CHODL: variants seen among roughly 807,000 people sequenced by gnomAD.
CHODL encodes the protein transmembrane protein MT75.
A neutral mutation model predicts 34.5 loss-of-function variants in CHODL; 29 were observed. The observed-to-expected ratio is 0.84, with a 90% CI of 0.63 to 1.15. The LOEUF (loss-of-function observed/expected upper bound fraction) is 1.15, where lower values mean the gene tolerates loss of function less well. Among genes scored for constraint, CHODL ranks in the 50% most tolerant of loss-of-function variants. The probability of loss-of-function intolerance (pLI) is 0.00; values close to 1 mark genes in which losing one functional copy is unlikely to be tolerated. For synonymous variants in CHODL, 125 were observed against 116.1 expected (o/e 1.08, Z -0.49); for missense variants, 332 against 332.5 (o/e 1.00, Z 0.01).
intron 2 of CHODL, among the ~76,000 whole-genome samples, chr21:18,199,269 C>G (rs750479280): frequency 2.0e-5 from 3 of 152,078 alleles, no homozygotes; most frequent in Non-Finnish European, 4.4e-5. Context: ...TCGTTTCAAT[C>G]AAACTTGATT....
intron 2 of CHODL, among the ~76,000 whole-genome samples, chr21:18,233,879 T>A (rs2074004792): frequency 6.6e-6 from 1 of 152,158 alleles, no homozygotes; most frequent in South Asian, 2.1e-4. Context: ...AATAAAATAC[T>A]GTCTATATTC....
chr21:18,086,276 G>T (rs1241004483), intron 2 of CHODL, among the ~76,000 whole-genome samples: 1 of 151,398 alleles, frequency 6.6e-6, no homozygotes, highest in Non-Finnish European at 1.5e-5. Context: ...TGATTTCTTT[G>T]TATTGGTTTT....
chr21:18,213,419 C>G (rs1439789564), intron 2 of CHODL, among the ~76,000 whole-genome samples: 1 of 152,026 alleles, frequency 6.6e-6, no homozygotes, highest in Non-Finnish European at 1.5e-5. Flanking sequence ...CAACCGAATG[C>G]TATTATTGCC....
At chr21:18,182,638 C>G (rs1219744527) in intron 2 of CHODL, among the ~76,000 whole-genome samples, 1 of 152,062 alleles carries the variant, frequency 6.6e-6, no homozygotes, top group Non-Finnish European at 1.5e-5. Flanking sequence ...TAAAAATACA[C>G]TTATGGAAAG....
rs976445374 is a variant in CHODL at position 18,245,211 on chromosome 21, C to G, written c.-13C>G. On this transcript the variant is annotated 5_prime_UTR_variant, in exon 1 of 6. Coordinates refer to ENST00000299295, the MANE Select transcript of CHODL (RefSeq NM_024944.3). ...TCGCTCCACGCAACACCTGCTGCTGCCACCGCGCCGCGATGAGCCGCGTGG... is the reference window on the plus strand; with the variant it reads ...TCGCTCCACGCAACACCTGCTGCTGGCACCGCGCCGCGATGAGCCGCGTGG... 24 of 1,518,086 alleles carry G rather than the reference C, an allele frequency of 1.6e-5. No homozygotes were observed. The African/African-American group carries it at 2.1e-4, about 14-fold the overall frequency. 94.0% of individuals were successfully genotyped at this position (1,518,086 alleles called of 1,614,324 possible). A position where few individuals can be genotyped will look rare whatever the true frequency, so the allele number is the denominator to read the frequency against.
intron 2 of CHODL, among the ~76,000 whole-genome samples, chr21:18,119,603 TG>T (rs796203881): frequency 5.3e-5 from 8 of 152,290 alleles, no homozygotes; most frequent in African/African-American, 1.9e-4. Flanking sequence ...GAGGAACATA[TG>T]TCTAAGCTTT....
intron 1 of CHODL, among the ~76,000 whole-genome samples, chr21:17,967,914 C>T (rs1035335943): frequency 1.8e-4 from 27 of 151,962 alleles, no homozygotes; most frequent in Admixed American, 1.4e-3. Context: ...GTTGATACGT[C>T]GGATGGTCAC....
At chr21:18,013,635 C>CTTTTTTTTTTTTTTGTTTTTTTTTT (rs2064041396) in intron 1 of CHODL, among the ~76,000 whole-genome samples, 1 of 71,896 alleles carries the variant, frequency 1.4e-5, no homozygotes, top group Non-Finnish European at 2.5e-5. Context: ...GCTGCTGCTG[C>CTTTTTTTTTTTTTTGTTTTTTTTTT]TTTTTTTTTT....
chr21:18,060,097 C>T (rs140214093), intron 2 of CHODL, among the ~76,000 whole-genome samples: 38 of 152,220 alleles, frequency 2.5e-4, no homozygotes, highest in Non-Finnish European at 4.4e-4. Context: ...CCCCACTGAT[C>T]GCTTCGTATC....
At chr21:18,067,159 T>C (rs564206867) in intron 2 of CHODL, among the ~76,000 whole-genome samples, 32 of 152,304 alleles carry the variant, frequency 2.1e-4, no homozygotes, top group African/African-American at 7.5e-4. Context: ...TTAAGCAGTA[T>C]AGAAAGATGT....
chr21:18,009,306 A>G (rs2063989536), intron 1 of CHODL, among the ~76,000 whole-genome samples: 1 of 152,156 alleles, frequency 6.6e-6, no homozygotes, highest in Non-Finnish European at 1.5e-5. Flanking sequence ...TTGAATTAGT[A>G]CTCAACACAT....
intron 1 of CHODL, among the ~76,000 whole-genome samples, chr21:18,008,312 TTGTGTGTG>T (rs34024669): frequency 6.7e-6 from 1 of 148,614 alleles, no homozygotes; most frequent in Non-Finnish European, 1.5e-5. Context: ...ATTTCTTTGT[TTGTGTGTG>T]TGTGTGTGTG....
At chr21:18,246,850 T>C (rs2074147872) in intron 1 of CHODL, among the ~76,000 whole-genome samples, 1 of 152,214 alleles carries the variant, frequency 6.6e-6, no homozygotes, top group South Asian at 2.1e-4. Context: ...TATGAGTACA[T>C]AATTTTTTCC....
At chr21:17,972,433 C>A (rs2063622923) in intron 1 of CHODL, among the ~76,000 whole-genome samples, 1 of 152,192 alleles carries the variant, frequency 6.6e-6, no homozygotes, top group African/African-American at 2.4e-5. Context: ...TGATAAGCAA[C>A]TTCAGCAAAG....
At chr21:17,932,577 T>C (rs112519200) in intron 1 of CHODL, among the ~76,000 whole-genome samples, 2,197 of 139,946 alleles carry the variant, frequency 0.016, 38 homozygotes, top group Non-Finnish European at 0.018. Flanking sequence ...CAATGAATGA[T>C]TGGATAAAGA....
At chr21:17,978,693 G>A (rs556401009) in intron 1 of CHODL, among the ~76,000 whole-genome samples, 99 of 150,774 alleles carry the variant, frequency 6.6e-4, no homozygotes, top group African/African-American at 2.4e-3. Flanking sequence ...CCTCCAGCCC[G>A]GGTGACTGAT....
At chr21:18,115,385 C>T (rs1179047352) in intron 2 of CHODL, among the ~76,000 whole-genome samples, 1 of 152,152 alleles carries the variant, frequency 6.6e-6, no homozygotes, top group East Asian at 1.9e-4. Flanking sequence ...GCTTGCTTAC[C>T]AGGACTTGCA....
intron 1 of CHODL, among the ~76,000 whole-genome samples, chr21:17,947,476 G>T (rs1438622780): frequency 6.6e-6 from 1 of 151,664 alleles, no homozygotes; most frequent in Non-Finnish European, 1.5e-5. Flanking sequence ...TTTGCAAACT[G>T]TGCATCTGAC....
At chr21:18,051,172 TG>T (rs2064510632) in intron 2 of CHODL, among the ~76,000 whole-genome samples, 1 of 151,832 alleles carries the variant, frequency 6.6e-6, no homozygotes, top group Non-Finnish European at 1.5e-5. Flanking sequence ...AGTGAGAACA[TG>T]GCGGTGTTGG....
Sources: gnomAD v4.1 joint callset for allele counts (sites outside exome capture counted in the v4.1 genomes callset) on GRCh38, gnomAD v4.1.1 for gene constraint, MANE v1.5 for transcripts, NCBI Gene and HGNC (gene_info 2026-07-23, HGNC 2026-07-21) for gene names.